The following OPCML variants were observed in gnomAD, a reference collection of about 807,000 sequenced individuals.
OPCML encodes opioid-binding protein/cell adhesion molecule.
Under a neutral mutation model 37.8 loss-of-function variants are expected in OPCML, and 13 were observed. That is an observed-to-expected ratio of 0.34 (90% CI 0.22 to 0.55). OPCML has a LOEUF of 0.55. OPCML is among the 20% of genes least tolerant of loss of function. The probability of loss-of-function intolerance (pLI) is 0.91; values close to 1 mark genes in which losing one functional copy is unlikely to be tolerated. For synonymous variants in OPCML, 176 were observed against 168.8 expected (o/e 1.04, Z -0.33); for missense variants, 341 against 435.6 (o/e 0.78, Z 1.93).
intron 1 of OPCML, among the ~76,000 whole-genome samples, chr11:133,214,637 C>T (rs1939510556): frequency 6.6e-6 from 1 of 152,110 alleles, no homozygotes; most frequent in Non-Finnish European, 1.5e-5. Flanking sequence ...ATTTAATGTC[C>T]CAGACACCTT....
chr11:132,937,272 C>T lies in OPCML; in HGVS notation c.146+5654G>A, dbSNP rs1168204178. ...CAGTGAGTGGGCCAAGGGCAGAGTC[C>T]TTTTTTAGAAACCAGAAGGAAAGGA... On this transcript the variant is annotated intron_variant, in intron 2 of 7. Coordinates refer to ENST00000524381, the MANE Select transcript of OPCML (RefSeq NM_001012393.5). 2.0e-5 allele frequency among the ~76,000 whole-genome samples: 3 copies of T among 151,978 alleles called. No individual in the cohort carries two copies. In the East Asian group the frequency reaches 5.8e-4, roughly 29 times the overall value.
intron 2 of OPCML, among the ~76,000 whole-genome samples, chr11:132,728,471 A>T (rs1944964611): frequency 6.6e-6 from 1 of 152,234 alleles, no homozygotes; most frequent in Non-Finnish European, 1.5e-5. Context: ...ATAACATACA[A>T]TAATAAAATC....
rs146536239 is a variant in OPCML, at chr11:133,506,714, G to T, written c.61+25550C>A. ...CAGTGGCTGCAGGAAACAGTGCATG[G>T]TATTGTCCTAGCCACATAAGCAGAA... On this transcript the variant is annotated intron_variant, in intron 1 of 7. Coordinates refer to ENST00000524381, the MANE Select transcript of OPCML (RefSeq NM_001012393.5). 8.1e-3 allele frequency among the ~76,000 whole-genome samples: 1,231 copies of T among 152,318 alleles called. 14 individuals are homozygous for T. The highest frequency in any genetic ancestry group is 0.028 in the African/African-American group (1,171 of 41,574).
chr11:132,779,953 G>A (rs527521653), intron 2 of OPCML, among the ~76,000 whole-genome samples: 58 of 151,718 alleles, frequency 3.8e-4, no homozygotes, highest in African/African-American at 1.2e-3. Context: ...TTATTTTTTT[G>A]TTGTTGTTGT....
chr11:132,615,386 A>G (rs1482205974), intron 3 of OPCML, among the ~76,000 whole-genome samples: 1 of 152,216 alleles, frequency 6.6e-6, no homozygotes, highest in Non-Finnish European at 1.5e-5. Flanking sequence ...TCCACGGCAT[A>G]GGATTAATAA....
At chr11:132,710,870 A>G (rs2846067) in intron 2 of OPCML, among the ~76,000 whole-genome samples, 15,300 of 152,030 alleles carry the variant, frequency 0.1, 875 homozygotes, top group Non-Finnish European at 0.11. Context: ...AGAAAGAAAG[A>G]AAGAAAAAGG....
chr11:132,480,917 G>A (rs192695802), intron 4 of OPCML, among the ~76,000 whole-genome samples: 160 of 151,918 alleles, frequency 1.1e-3, no homozygotes, highest in African/African-American at 3.6e-3. Flanking sequence ...GCAAAATCAT[G>A]CCAAAATGTA....
chr11:132,970,767 T>G (rs955760915), intron 1 of OPCML, among the ~76,000 whole-genome samples: 21 of 152,312 alleles, frequency 1.4e-4, no homozygotes, highest in African/African-American at 5.1e-4. Flanking sequence ...CAGTTCTGTC[T>G]TTTCTTCTAA....
At chr11:133,103,763 G>A (rs548038761) in intron 1 of OPCML, among the ~76,000 whole-genome samples, 161 of 152,312 alleles carry the variant, frequency 1.1e-3, no homozygotes, top group Middle Eastern at 0.01. Flanking sequence ...CCAGTACCAG[G>A]CTGGCATTAA....
intron 2 of OPCML, among the ~76,000 whole-genome samples, chr11:132,666,852 T>C (rs1317259488): frequency 1.3e-5 from 2 of 152,196 alleles, no homozygotes; most frequent in African/African-American, 4.8e-5. Flanking sequence ...GTAAAATGTC[T>C]GCATAGGTTT....
intron 2 of OPCML, among the ~76,000 whole-genome samples, chr11:132,941,793 T>C (rs1945585984): frequency 6.6e-6 from 1 of 152,200 alleles, no homozygotes; most frequent in Admixed American, 6.5e-5. Flanking sequence ...GAATCCAATC[T>C]TCACCCTTGG....
At chr11:132,674,729 A>C (rs1362264308) in intron 2 of OPCML, among the ~76,000 whole-genome samples, 1 of 152,154 alleles carries the variant, frequency 6.6e-6, no homozygotes, top group Non-Finnish European at 1.5e-5. Context: ...TATGAAAAGG[A>C]GTATATTAAA....
chr11:133,385,750 CA>C (rs1945032898), intron 1 of OPCML, among the ~76,000 whole-genome samples: 1 of 152,112 alleles, frequency 6.6e-6, no homozygotes, highest in Admixed American at 6.5e-5. Flanking sequence ...CTCAAAATGC[CA>C]GATTCTAACT....
chr11:132,517,125 T>C (rs2096281739), intron 4 of OPCML, among the ~76,000 whole-genome samples: 1 of 152,182 alleles, frequency 6.6e-6, no homozygotes, highest in Non-Finnish European at 1.5e-5. Flanking sequence ...AGAGCAGGGA[T>C]TATGTTCTAC....
At chr11:133,343,273 T>A (rs547972038) in intron 1 of OPCML, among the ~76,000 whole-genome samples, 144 of 151,970 alleles carry the variant, frequency 9.5e-4, no homozygotes, top group African/African-American at 3.3e-3. Flanking sequence ...GACTCGGGGG[T>A]TCTTTGTGTT....
At chr11:132,582,788 G>A (rs2096464705) in intron 3 of OPCML, among the ~76,000 whole-genome samples, 1 of 150,728 alleles carries the variant, frequency 6.6e-6, no homozygotes, top group Non-Finnish European at 1.5e-5. Context: ...GCAGCAAAAC[G>A]AATCATCTGC....
intron 3 of OPCML, among the ~76,000 whole-genome samples, chr11:132,559,878 C>T (rs746708555): frequency 1.3e-4 from 20 of 152,264 alleles, no homozygotes; most frequent in Non-Finnish European, 2.5e-4. Flanking sequence ...CAGACTGTGA[C>T]CTTTGATTGG....
chr11:133,447,921 A>C (rs1565638997), intron 1 of OPCML, among the ~76,000 whole-genome samples: 1 of 152,162 alleles, frequency 6.6e-6, no homozygotes, highest in African/African-American at 2.4e-5. Flanking sequence ...AAGTATTTTT[A>C]TATATTCTAT....
At chr11:133,005,416 A>G (rs894485811) in intron 1 of OPCML, 3 of 985,154 alleles carry the variant, frequency 3.0e-6, no homozygotes, top group African/African-American at 3.5e-5. Flanking sequence ...TCACCCTAAC[A>G]CCCATGTTCT....
Sources: gnomAD v4.1 joint callset for allele counts (sites outside exome capture counted in the v4.1 genomes callset) on GRCh38, gnomAD v4.1.1 for gene constraint, MANE v1.5 for transcripts, NCBI Gene and HGNC (gene_info 2026-07-23, HGNC 2026-07-21) for gene names.